The following EML6 variants were observed in gnomAD, a reference collection of about 807,000 sequenced individuals.
The protein encoded by EML6 is EMAP like 6.
EML6 carries 154 observed loss-of-function variants against 240.1 expected under a neutral mutation model. That is an observed-to-expected ratio of 0.64 (90% CI 0.56 to 0.73). The LOEUF (loss-of-function observed/expected upper bound fraction) is 0.73, where lower values mean the gene tolerates loss of function less well. Among genes scored for constraint, EML6 ranks in the 30% least tolerant of loss-of-function variants. EML6 has a pLI of 0.00. For synonymous variants in EML6, 1,148 were observed against 899.0 expected (o/e 1.28, Z -4.95); for missense variants, 2,964 against 2,474.6 (o/e 1.20, Z -4.20).
At chr2:54,952,038 A>G (rs888348942) in intron 30 of EML6, among the ~76,000 whole-genome samples, 4 of 152,174 alleles carry the variant, frequency 2.6e-5, no homozygotes, top group African/African-American at 7.2e-5. Flanking sequence ...CCTGTGACAT[A>G]TGTCGAGTTA....
At chr2:54,949,618 C>T (rs920998875) in intron 29 of EML6, among the ~76,000 whole-genome samples, 1 of 152,212 alleles carries the variant, frequency 6.6e-6, no homozygotes, top group East Asian at 1.9e-4. Flanking sequence ...ACACATGCCC[C>T]AATGCCTCCA....
At position 54,859,601 on chromosome 2, in the gene EML6, T is replaced by C; in HGVS notation, c.1725T>C (p.Phe575=). The change falls in exon 12 of 42, where the codon TTT becomes TTC. Residue 575 remains phenylalanine (F), a synonymous_variant. Transcript: ENST00000356458. ...HVTNVRWSHD[F]QWVLSTGGAD... is the part of the protein sequence containing the mutation. ...CAAATGTCCGCTGGTCCCATGACTT[T>C]CAGTGGGTGTTGAGCACAGGAGGGG... The C allele has an allele frequency of 6.4e-7, 1 of 1,551,470 alleles. No individual in the cohort carries two copies. Among genetic ancestry groups the C allele is most frequent in the Non-Finnish European group, 8.7e-7 (1 of 1,146,872 alleles).
At chr2:54,866,934 G>A in intron 14 of EML6, 50 bp downstream of exon 14, 1 of 1,121,828 alleles carries the variant, frequency 8.9e-7, no homozygotes, top group Non-Finnish European at 1.3e-6. Context: ...TCTCTGCCTG[G>A]CTGTCACCAA....
At chr2:54,924,623 G>A (rs560626619) in intron 26 of EML6, among the ~76,000 whole-genome samples, 12 of 152,128 alleles carry the variant, frequency 7.9e-5, no homozygotes, top group Non-Finnish European at 1.2e-4. Context: ...GTGCAATGGC[G>A]TGATCTCGGC....
intron 34 of EML6, 138 bp downstream of exon 34, chr2:54,959,399 C>A: frequency 1.2e-6 from 1 of 812,880 alleles, no homozygotes. Flanking sequence ...AGTCTGCTCT[C>A]TCTCCAAGAG....
In EML6 at chr2:54,954,107, G is replaced by T; in HGVS notation, c.4437G>T (p.Ser1479=). 1.9e-6 allele frequency: 3 copies of T among 1,551,662 alleles called. No individual in the cohort carries two copies. The highest frequency in any genetic ancestry group is 2.6e-6 in the Non-Finnish European group (3 of 1,146,994). Residue 1479 remains serine (S), a synonymous_variant, in exon 32 of 42, where the codon TCG becomes TCT. Transcript: ENST00000356458. The part of the protein sequence containing the change: ...NFSATGKLLV[S]VGVDPEHTIT... ...GTGCAACTGGAAAGCTCCTGGTGTC[G>T]GTGGGAGTGGACCCTGAGCACACCA...
intron 2 of EML6, among the ~76,000 whole-genome samples, chr2:54,787,430 C>A (rs999604066): frequency 6.6e-6 from 1 of 152,146 alleles, no homozygotes; most frequent in Admixed American, 6.5e-5. Flanking sequence ...AGGTCTGAAT[C>A]TTGGCTCTGC....
chr2:54,793,457 A>G (rs1669576788), intron 2 of EML6, among the ~76,000 whole-genome samples: 1 of 139,850 alleles, frequency 7.2e-6, no homozygotes, highest in East Asian at 2.1e-4. Context: ...AATAAAATGT[A>G]TGCAAGCATA....
At chr2:54,868,820 G>A in intron 14 of EML6, 1 of 194,026 alleles carries the variant, frequency 5.2e-6, no homozygotes, top group Non-Finnish European at 1.1e-5. Flanking sequence ...CCAGATGGAG[G>A]AGAGGAATGG....
In EML6 at chr2:54,932,304, C is replaced by G. The variant is rs567745710; in HGVS notation, c.4004+3553C>G. Among the ~76,000 whole-genome samples the G allele has an allele frequency of 4.6e-5, 7 of 152,334 alleles. No individual in the cohort carries two copies. The South Asian group carries it at 8.3e-4, about 18-fold the overall frequency. On this transcript the variant is annotated intron_variant, in intron 28 of 41. Coordinates refer to ENST00000356458, the MANE Select transcript of EML6 (RefSeq NM_001039753.4). ...TGGCTGGTCCCCAACCTTGGGTGAT[C>G]TTGCTGCTCAGCTGCCACGTGTGGT...
chr2:54,895,520 T>G, intron 21 of EML6, 120 bp downstream of exon 21: 4 of 904,896 alleles, frequency 4.4e-6, no homozygotes, highest in South Asian at 3.4e-5. Flanking sequence ...TGCACAAGAG[T>G]TGAACTAGTT....
intron 31 of EML6, among the ~76,000 whole-genome samples, chr2:54,952,985 G>A (rs996640947): frequency 2.6e-5 from 4 of 152,142 alleles, no homozygotes; most frequent in East Asian, 1.9e-4. Context: ...CAAGAACTCC[G>A]TGTCTTTTGA....
At chr2:54,730,913 T>A (rs1212256320) in intron 2 of EML6, among the ~76,000 whole-genome samples, 1 of 152,136 alleles carries the variant, frequency 6.6e-6, no homozygotes, top group African/African-American at 2.4e-5. Context: ...TACTTTCTGA[T>A]GGGGGACGCC....
intron 28 of EML6, among the ~76,000 whole-genome samples, chr2:54,944,562 G>A (rs1209340389): frequency 6.6e-6 from 1 of 151,982 alleles, no homozygotes; most frequent in African/African-American, 2.4e-5. Flanking sequence ...GCCACCCTTT[G>A]TACTCTCATT....
chr2:54,869,089 A>C, intron 14 of EML6, 92 bp from the exon 15 acceptor site: 1 of 776,644 alleles, frequency 1.3e-6, no homozygotes, highest in Non-Finnish European at 2.0e-6. Context: ...GTACATGTTC[A>C]CGTCAATATG....
chr2:54,817,841 G>A (rs1022680772), intron 4 of EML6, among the ~76,000 whole-genome samples: 5 of 150,688 alleles, frequency 3.3e-5, no homozygotes, highest in Non-Finnish European at 7.4e-5. Flanking sequence ...ATTGATCTAT[G>A]GAGGTTTGTA....
intron 36 of EML6, among the ~76,000 whole-genome samples, chr2:54,963,733 T>A (rs1676627429): frequency 1.3e-5 from 2 of 152,220 alleles, no homozygotes; most frequent in South Asian, 4.1e-4. Flanking sequence ...GAGTCTAAAG[T>A]GGGTGCTACC....
At chr2:54,780,020 G>C (rs1045901022) in intron 2 of EML6, among the ~76,000 whole-genome samples, 6 of 152,038 alleles carry the variant, frequency 3.9e-5, no homozygotes, top group African/African-American at 1.4e-4. Context: ...AGAGTTAGGA[G>C]GTGGGACTCC....
Position 54,970,196 on chromosome 2 carries a change from C to T in EML6, c.*101C>T. ...CTTGCCACCAGCCGTTGGGAAATGC[C>T]TACCATGCTGCCCCGGATGCACAAG... On this transcript the variant is annotated 3_prime_UTR_variant, in exon 42 of 42. Coordinates refer to ENST00000356458, the MANE Select transcript of EML6 (RefSeq NM_001039753.4). 1 of 1,148,582 alleles carries T rather than the reference C, an allele frequency of 8.7e-7. No individual in the cohort carries two copies. 71.1% of individuals were successfully genotyped at this position (1,148,582 alleles called of 1,614,324 possible). A position where few individuals can be genotyped will look rare whatever the true frequency, so the allele number is the denominator to read the frequency against.
Sources: gnomAD v4.1 joint callset for allele counts (sites outside exome capture counted in the v4.1 genomes callset) on GRCh38, gnomAD v4.1.1 for gene constraint, MANE v1.5 for transcripts, NCBI Gene and HGNC (gene_info 2026-07-23, HGNC 2026-07-21) for gene names.